The following STAMBP variants were observed in gnomAD, a reference collection of about 807,000 sequenced individuals.
The protein encoded by STAMBP is STAM-binding protein.
STAMBP carries 31 observed loss-of-function variants against 50.7 expected under a neutral mutation model. That is an observed-to-expected ratio of 0.61 (90% CI 0.46 to 0.83). The LOEUF (loss-of-function observed/expected upper bound fraction) is 0.83. Among genes scored for constraint, STAMBP ranks in the 40% least tolerant of loss-of-function variants. The pLI is 0.00. For missense variants in STAMBP, 472 were observed against 518.9 expected (o/e 0.91, Z 0.88); for synonymous variants, 211 against 192.4 (o/e 1.10, Z -0.80).
At chr2:73,862,163 G>T in intron 9 of STAMBP, 40 bp from the exon 10 acceptor site, 3 of 1,556,674 alleles carry the variant, frequency 1.9e-6, no homozygotes, top group Non-Finnish European at 8.7e-7. Flanking sequence ...AGACTTTTCA[G>T]AATTTTCTAG....
intron 10 of STAMBP, among the ~76,000 whole-genome samples, chr2:73,873,009 G>T (rs1220562158): frequency 6.6e-6 from 1 of 152,188 alleles, no homozygotes; most frequent in Admixed American, 6.5e-5. Context: ...CCATAGAAAT[G>T]ATGGAATCTC....
chr2:73,860,276 C>A, intron 9 of STAMBP, 125 bp downstream of exon 9: 2 of 758,762 alleles, frequency 2.6e-6, no homozygotes, highest in Non-Finnish European at 4.2e-6. Flanking sequence ...CTTGCCAGAT[C>A]TCCATAATAA....
At chr2:73,840,898 G>A (rs2104391433) in intron 2 of STAMBP, among the ~76,000 whole-genome samples, 1 of 151,934 alleles carries the variant, frequency 6.6e-6, no homozygotes, top group South Asian at 2.1e-4. Context: ...CACTGTATGG[G>A]TATCCCATTT....
chr2:73,858,184 T>G (rs1391001192), intron 7 of STAMBP, among the ~76,000 whole-genome samples: 1 of 125,070 alleles, frequency 8.0e-6, no homozygotes, highest in Non-Finnish European at 1.6e-5. Context: ...TTTTTTTTTT[T>G]TAGTAGAGAC....
At chr2:73,841,286 A>T (rs1675356421) in intron 2 of STAMBP, among the ~76,000 whole-genome samples, 1 of 152,196 alleles carries the variant, frequency 6.6e-6, no homozygotes, top group South Asian at 2.1e-4. Context: ...AGTCTAGTTT[A>T]TAAGTAAAGA....
chr2:73,849,535 C>T (rs567116042), intron 6 of STAMBP, 48 bp downstream of exon 6: 2 of 1,542,082 alleles, frequency 1.3e-6, no homozygotes, highest in African/African-American at 1.4e-5. Flanking sequence ...GAAACTGTTT[C>T]TTCCCCTCTT....
intron 9 of STAMBP, 24 bp downstream of exon 9, chr2:73,860,175 T>C (rs754080365): frequency 1.9e-6 from 3 of 1,589,170 alleles, no homozygotes; most frequent in Non-Finnish European, 2.6e-6. Context: ...TAAAAGAAAA[T>C]GGGGCTATGC....
intron 5 of STAMBP, 152 bp from the exon 6 acceptor site, chr2:73,849,211 T>C: frequency 9.3e-7 from 1 of 1,078,758 alleles, no homozygotes; most frequent in Non-Finnish European, 1.3e-6. Context: ...CAGCCCTTTT[T>C]TTGGTGCCAT....
At position 73,850,709 on chromosome 2, in the gene STAMBP, T is replaced by C. The variant is rs1033759597; in HGVS notation, c.1005+196T>C. Among the ~76,000 whole-genome samples the C allele has an allele frequency of 6.6e-6, 1 of 152,244 alleles. No homozygotes were observed. The highest frequency in any genetic ancestry group is 2.1e-4 in the South Asian group (1 of 4,830). On this transcript the variant is annotated intron_variant, in intron 7 of 9. Transcript: ENST00000394070. The surrounding 1 kb of genome is among the most constrained non-coding windows in gnomAD (Gnocchi z 4.3). ...GGGAACACTTAGGGCTTTTAAATTT[T>C]TTTAACTTTTTATTTATTTTTTAGT...
At chr2:73,859,216 C>T (rs756538995) in intron 7 of STAMBP, 38 bp from the exon 8 acceptor site, 4 of 1,544,320 alleles carry the variant, frequency 2.6e-6, no homozygotes, top group Middle Eastern at 1.7e-4. Flanking sequence ...TACCATATAT[C>T]CTCGCTAAGA....
Position 73,862,357 on chromosome 2 carries a change from G to C in STAMBP, c.*98G>C, listed in dbSNP as rs917042963. The C allele has an allele frequency of 2.7e-6, 3 of 1,106,510 alleles. No individual in the cohort carries two copies. In the African/African-American group the frequency reaches 4.8e-5, roughly 18 times the overall value. 68.5% of individuals were successfully genotyped at this position (1,106,510 alleles called of 1,614,324 possible). ...CTAGAAAGCTTTGGAAGTTTTTGTA[G>C]ATAGTAGAAAGGGGGGCATCACCTG... On this transcript the variant is annotated 3_prime_UTR_variant, in exon 10 of 10. Coordinates refer to ENST00000394070, the MANE Select transcript of STAMBP (RefSeq NM_213622.4).
At chr2:73,854,156 C>T (rs1331504256) in intron 7 of STAMBP, among the ~76,000 whole-genome samples, 2 of 152,184 alleles carry the variant, frequency 1.3e-5, no homozygotes, top group Non-Finnish European at 2.9e-5. Flanking sequence ...GAAAAACATC[C>T]ATTCCTCCAA....
downstream of STAMBP, among the ~76,000 whole-genome samples, chr2:73,869,307 AC>A (rs1358843710): frequency 6.6e-6 from 1 of 152,232 alleles, no homozygotes; most frequent in Non-Finnish European, 1.5e-5. Flanking sequence ...ATACTTTGGA[AC>A]AAAGTTAACA....
In STAMBP at chr2:73,844,897, T is replaced by A; in HGVS notation, c.279+9T>A. The A allele has an allele frequency of 1.2e-6, 2 of 1,613,070 alleles. No homozygotes were observed. Among genetic ancestry groups the A allele is most frequent in the Non-Finnish European group, 1.7e-6 (2 of 1,179,756 alleles). ...AGAAAGACACAGTAAAGGTGGGTCT[T>A]CACTTTCATTGTTGCCCATCTAAAA... On this transcript the variant is annotated intron_variant, in intron 3 of 9. Coordinates refer to ENST00000394070, the MANE Select transcript of STAMBP (RefSeq NM_213622.4).
downstream of STAMBP, among the ~76,000 whole-genome samples, chr2:73,871,572 A>G (rs1003001322): frequency 6.6e-6 from 1 of 151,856 alleles, no homozygotes; most frequent in African/African-American, 2.4e-5. Context: ...AAATTCTTTT[A>G]ATTGCACTGA....
chr2:73,837,543 C>T (rs546512319), intron 2 of STAMBP, among the ~76,000 whole-genome samples: 2 of 140,796 alleles, frequency 1.4e-5, no homozygotes, highest in South Asian at 4.6e-4. Flanking sequence ...CGAGATCGCG[C>T]CACTGCACTC....
At chr2:73,834,216 AAAAAAAAAAAAAAAAAAAAAATAT>A in intron 2 of STAMBP, among the ~76,000 whole-genome samples, 1 of 14,520 alleles carries the variant, frequency 6.9e-5, no homozygotes, top group African/African-American at 3.8e-4. Context: ...TCTTAAAAAA[AAAAAAAAAAAAAAAAAAAAAATAT>A]ATATATATAT....
At chr2:73,848,939 T>G (rs183203436) in intron 5 of STAMBP, among the ~76,000 whole-genome samples, 14 of 152,296 alleles carry the variant, frequency 9.2e-5, no homozygotes, top group Admixed American at 9.2e-4. Context: ...GTGTATGTAT[T>G]TATGGGGTAC....
Position 73,830,807 on chromosome 2 carries a change from G to A in STAMBP, c.-12-38G>A, listed in dbSNP as rs748916528. ...ACTGTAAAACTGCTGGGATGATGAG[G>A]GCAACGGTATTGATGCCATCTGTTT... On this transcript the variant is annotated intron_variant, in intron 1 of 9. Transcript: ENST00000394070. 1.4e-5 allele frequency: 22 copies of A among 1,534,414 alleles called. No individual in the cohort carries two copies. The Middle Eastern group carries it at 6.9e-4, about 48-fold the overall frequency.
Sources: allele counts gnomAD v4.1 joint callset (sites outside exome capture counted in the v4.1 genomes callset), GRCh38; gene constraint gnomAD v4.1.1; non-coding constraint Gnocchi (gnomAD v3.1); transcripts MANE v1.5; gene names NCBI Gene and HGNC (gene_info 2026-07-23, HGNC 2026-07-21).